CHRNB4: variants seen among roughly 807,000 people sequenced by gnomAD.
CHRNB4 encodes the protein neuronal acetylcholine receptor subunit beta-4.
In CHRNB4, 23 loss-of-function variants were observed where a neutral mutation model predicts 40.4. The observed-to-expected ratio is 0.57, with a 90% CI of 0.41 to 0.81. The LOEUF is 0.81. CHRNB4 is among the 30% of genes least tolerant of loss of function. The pLI is 0.00. For missense variants in CHRNB4, 568 were observed against 670.6 expected, an observed-to-expected ratio of 0.85 and a Z score of 1.69; for synonymous variants, 285 against 274.4, an observed-to-expected ratio of 1.04 and a Z score of -0.38.
chr15:78,649,941 G>A (rs2054157622), intron 6 of CHRNB4, among the ~76,000 whole-genome samples: 1 of 152,200 alleles, frequency 6.6e-6, no homozygotes, highest in Non-Finnish European at 1.5e-5. Flanking sequence ...CCGGATAATG[G>A]TTCCCAGGTG....
upstream of CHRNB4, among the ~76,000 whole-genome samples, chr15:78,645,365 C>T (rs898521216): frequency 2.9e-4 from 44 of 152,278 alleles, no homozygotes; most frequent in African/African-American, 9.6e-4. Flanking sequence ...CCCATGTATC[C>T]CTGCCTGGCA....
intron 2 of CHRNB4, among the ~76,000 whole-genome samples, chr15:78,632,179 T>C (rs1481162732): frequency 1.2e-3 from 3 of 2,572 alleles, no homozygotes; most frequent in African/African-American, 2.6e-3. Context: ...TTCTCTTTCT[T>C]TCTTTCTTTC....
intron 1 of CHRNB4, among the ~76,000 whole-genome samples, chr15:78,638,348 A>G (rs534894330): frequency 2.8e-4 from 43 of 152,350 alleles, no homozygotes; most frequent in Non-Finnish European, 4.7e-4. Flanking sequence ...GGTTCCCAGA[A>G]CTTTAGACCA....
chr15:78,661,149 G>A (rs1164275557), upstream of CHRNB4: 4 of 622,184 alleles, frequency 6.4e-6, no homozygotes, highest in East Asian at 4.2e-5. Context: ...CTGGGGCCTT[G>A]CCGAAATGCC....
Position 78,641,204 on chromosome 15 carries a change from G to C in CHRNB4, c.-71C>G. ...TCACAGGGCACCCGTGAGCCGCGCG[G>C]TCGAGTGAGCGCCGGTCCTGGCCCC... On this transcript the variant is annotated 5_prime_UTR_variant, in exon 1 of 6. Transcript: ENST00000261751. 7.3e-7 allele frequency: 1 copy of C among 1,372,004 alleles called. No homozygotes were observed. Among genetic ancestry groups the C allele is most frequent in the Non-Finnish European group, 9.5e-7 (1 of 1,047,502 alleles). The allele number at this position is 1,372,004 out of a possible 1,614,324, so 85.0% of individuals were successfully genotyped here.
chr15:78,641,000 T>G, intron 1 of CHRNB4, 79 bp downstream of exon 1: 4 of 1,289,214 alleles, frequency 3.1e-6, no homozygotes, highest in Non-Finnish European at 2.1e-6. Context: ...GCACCCTCCC[T>G]TCCCTCCCAC....
Position 78,634,581 on chromosome 15 carries a change from C to T in CHRNB4, c.204+858G>A, listed in dbSNP as rs1374224290. ...GACAGGCTGGGTGTGTGTGGGCCAA[C>T]CGTGCTAGAGAGAGAGTCTGGCATT... On this transcript the variant is annotated intron_variant, in intron 2 of 5. Transcript: ENST00000261751. 7.2e-5 allele frequency: 27 copies of T among 377,108 alleles called. No homozygotes were observed. In the Admixed American group the frequency reaches 7.8e-4, roughly 11 times the overall value. 23.4% of individuals were successfully genotyped at this position (377,108 alleles called of 1,614,324 possible).
intron 5 of CHRNB4, chr15:78,626,671 CCT>C (rs1168873489): frequency 1.3e-5 from 2 of 152,162 alleles, no homozygotes; most frequent in Non-Finnish European, 2.9e-5. Context: ...AGTCAGTGAA[CCT>C]CTCTGAGCTT....
At chr15:78,660,915 T>C (rs1330000587), upstream of CHRNB4, 5 of 377,380 alleles carry the variant, frequency 1.3e-5, no homozygotes, top group Non-Finnish European at 2.5e-5. Context: ...GTGCACACAA[T>C]TGCCTGGGGA....
intron 2 of CHRNB4, among the ~76,000 whole-genome samples, chr15:78,657,896 A>G (rs2054227051): frequency 6.6e-6 from 1 of 152,078 alleles, no homozygotes; most frequent in Non-Finnish European, 1.5e-5. Flanking sequence ...TCTGTATCAG[A>G]GCAGGTCCTT....
At position 78,629,285 on chromosome 15, in the gene CHRNB4, C is replaced by G; in HGVS notation, c.1020G>C (p.Lys340Asn). ...APWVKRCFLH[K>N]LPTFLFMKRP... ...GCTTCATGAAGAGGAAGGTAGGCAG[C>G]TTGTGCAGGAAGCAGCGCTTGACCC... The change falls in exon 5 of 6, where the codon AAG becomes AAC. Residue 340 changes from lysine to asparagine, a missense_variant. Coordinates refer to ENST00000261751, the MANE Select transcript of CHRNB4 (RefSeq NM_000750.5). This position sits in a 1 kb window ranked among gnomAD's most constrained non-coding sequence, Gnocchi z 6.8. 3 of 1,613,450 alleles carry G rather than the reference C, an allele frequency of 1.9e-6. No homozygotes were observed. The highest frequency in any genetic ancestry group is 2.5e-6 in the Non-Finnish European group (3 of 1,179,608).
upstream of CHRNB4, chr15:78,660,890 T>C: frequency 2.7e-6 from 1 of 368,574 alleles, no homozygotes; most frequent in Non-Finnish European, 5.2e-6. Flanking sequence ...GGATCCTGGC[T>C]TCTCAAACTT....
chr15:78,655,115 G>A (rs577095259), intron 5 of CHRNB4, among the ~76,000 whole-genome samples: 10 of 152,048 alleles, frequency 6.6e-5, no homozygotes, highest in African/African-American at 1.9e-4. Context: ...GTCATCCACC[G>A]CTCCCTCCAA....
At chr15:78,645,199 TG>T (rs558320252), upstream of CHRNB4, among the ~76,000 whole-genome samples, 80 of 152,376 alleles carry the variant, frequency 5.3e-4, no homozygotes, top group African/African-American at 1.9e-3. Flanking sequence ...GACAGCCCTA[TG>T]CTCTGGAGCC....
upstream of CHRNB4, chr15:78,641,236 T>G: frequency 1.8e-6 from 2 of 1,111,064 alleles, no homozygotes; most frequent in African/African-American, 1.7e-5. Flanking sequence ...CCCCCGAGGT[T>G]TGCTGGCGGG....
intron 1 of CHRNB4, among the ~76,000 whole-genome samples, chr15:78,639,331 T>A (rs1310196057): frequency 6.6e-6 from 1 of 152,220 alleles, no homozygotes; most frequent in Non-Finnish European, 1.5e-5. Context: ...AGTCTTGATC[T>A]GTCGCCCAGG....
In CHRNB4 at chr15:78,629,068, A is replaced by C; in HGVS notation, c.1237T>G (p.Trp413Gly). The C allele has an allele frequency of 6.2e-7, 1 of 1,614,222 alleles. No homozygotes were observed. The part of the protein sequence containing the change: ...STPVAIPRDF[W>G]LRSSGRFRQD... ...CGGAACCTCCCAGAGGACCGCAGCC[A>C]GAAATCCCTGGGGATAGCCACCGGG... is the stretch of plus-strand genomic sequence containing the variant. Residue 413 changes from tryptophan (W) to glycine (G), a missense_variant, in exon 5 of 6, where the codon TGG (tryptophan) becomes GGG (glycine). Around this residue, in one of 4 missense-constraint regions of CHRNB4, gnomAD observed 242 missense variants for 274.9 expected, o/e 0.88. Transcript: ENST00000261751. The surrounding 1 kb of genome is among the most constrained non-coding windows in gnomAD (Gnocchi z 6.8).
chr15:78,634,614 G>A (rs1406533870), intron 2 of CHRNB4: 2 of 426,444 alleles, frequency 4.7e-6, no homozygotes, highest in Non-Finnish European at 9.5e-6. Context: ...ATTTCAGAAG[G>A]CAGCTACCTG....
At chr15:78,637,722 C>A (rs2053983455) in intron 1 of CHRNB4, among the ~76,000 whole-genome samples, 1 of 152,298 alleles carries the variant, frequency 6.6e-6, no homozygotes, top group East Asian at 1.9e-4. Context: ...CGCCACCCTG[C>A]CGACTTCATC....
Sources: gnomAD v4.1 joint callset for allele counts (sites outside exome capture counted in the v4.1 genomes callset) on GRCh38, gnomAD v4.1.1 for gene constraint, gnomAD v4.1.1 regional missense constraint, Gnocchi (gnomAD v3.1) non-coding constraint, MANE v1.5 for transcripts, NCBI Gene and HGNC (gene_info 2026-07-23, HGNC 2026-07-21) for gene names.